The following DPP6 variants were observed in gnomAD, a reference collection of about 807,000 sequenced individuals.
DPP6 encodes the protein A-type potassium channel modulatory protein DPP6.
Under a neutral mutation model 122.6 loss-of-function variants are expected in DPP6, and 69 were observed. That is an observed-to-expected ratio of 0.56 (90% CI 0.46 to 0.69). The LOEUF (loss-of-function observed/expected upper bound fraction) is 0.69. DPP6 is among the 30% of genes least tolerant of loss of function. DPP6 has a pLI of 0.00. For synonymous variants in DPP6, 418 were observed against 433.1 expected, an observed-to-expected ratio of 0.97 and a Z score of 0.43; for missense variants, 928 against 1,116.9, an observed-to-expected ratio of 0.83 and a Z score of 2.41.
the DPP6 span, among the ~76,000 whole-genome samples, chr7:153,810,998 AAC>A: frequency 6.6e-6 from 1 of 151,912 alleles, no homozygotes; most frequent in Non-Finnish European, 1.5e-5. Context: ...ACTGGAATTT[AAC>A]ACACAGCGGC....
chr7:154,028,953 G>A (rs1397784096), intron 1 of DPP6, among the ~76,000 whole-genome samples: 2 of 151,026 alleles, frequency 1.3e-5, no homozygotes, highest in Admixed American at 1.3e-4. Flanking sequence ...CAAGCTCTGA[G>A]CAGCTCCGAC....
chr7:154,320,765 C>T (rs527926105), intron 1 of DPP6, among the ~76,000 whole-genome samples: 14 of 152,164 alleles, frequency 9.2e-5, no homozygotes, highest in Admixed American at 1.3e-4. Flanking sequence ...GGATTACAGG[C>T]GTGAGCCACT....
rs555784034 is a variant in DPP6, at chr7:154,808,802, A to G, written c.1666+1690A>G. On this transcript the variant is annotated intron_variant, in intron 16 of 25. Coordinates refer to ENST00000377770, the MANE Select transcript of DPP6 (RefSeq NM_130797.4). The stretch of plus-strand genomic sequence containing the variant: ...TTGAGGAGCTACATAATCAGAATCC[A>G]CAATCCTGTCTCAGAAGCAGGAGGC... 3.5e-4 allele frequency among the ~76,000 whole-genome samples: 54 copies of G among 152,362 alleles called. 1 individual carries two copies. The highest frequency in any genetic ancestry group is 6.8e-3 in the Middle Eastern group (2 of 294).
At chr7:154,468,527 T>C (rs1358487456) in intron 2 of DPP6, among the ~76,000 whole-genome samples, 1 of 152,178 alleles carries the variant, frequency 6.6e-6, no homozygotes, top group African/African-American at 2.4e-5. Flanking sequence ...TATCAACCTA[T>C]CCGCATATAA....
chr7:154,691,048 A>G (rs928849661), intron 7 of DPP6, among the ~76,000 whole-genome samples: 1 of 152,224 alleles, frequency 6.6e-6, no homozygotes, highest in African/African-American at 2.4e-5. Context: ...CCCTCTTAGG[A>G]TCACCTGTGA....
intron 3 of DPP6, among the ~76,000 whole-genome samples, chr7:154,515,588 C>T (rs553984094): frequency 1.3e-5 from 2 of 151,980 alleles, no homozygotes; most frequent in Non-Finnish European, 2.9e-5. Context: ...CACTTCTCCT[C>T]CCTCAGCCTC....
chr7:153,864,843 A>G, the DPP6 span, among the ~76,000 whole-genome samples: 1 of 152,102 alleles, frequency 6.6e-6, no homozygotes. Context: ...GATTACTGAG[A>G]TGGATGGCAG....
At position 154,592,119 on chromosome 7, in the gene DPP6, T is replaced by C. The variant is rs934028182; in HGVS notation, c.627+25203T>C. Among the ~76,000 whole-genome samples, 8 of 152,238 alleles carry C rather than the reference T, an allele frequency of 5.3e-5. No individual in the cohort carries two copies. In the East Asian group the frequency reaches 7.7e-4, roughly 15 times the overall value. On this transcript the variant is annotated intron_variant, in intron 5 of 25. Transcript: ENST00000377770. ...CCTCAGTCCCAGCTACAGATGGACT[T>C]TGAGATCTGATGACAGGATCTGCTG...
rs946239217 is a variant in DPP6, at chr7:154,821,823, T to A, written c.1666+14711T>A. 1.3e-5 allele frequency among the ~76,000 whole-genome samples: 2 copies of A among 152,060 alleles called. No homozygotes were observed. Among genetic ancestry groups the A allele is most frequent in the African/African-American group, 2.4e-5 (1 of 41,400 alleles). On this transcript the variant is annotated intron_variant, in intron 16 of 25. Coordinates refer to ENST00000377770, the MANE Select transcript of DPP6 (RefSeq NM_130797.4). The surrounding 1 kb of genome is among the most constrained non-coding windows in gnomAD (Gnocchi z 4.2). ...GAAACAGTAAGACCATTTTGGTGAC[T>A]ACAAAATGTAAACTACTAATTAAGA...
chr7:154,063,370 AC>A (rs1293045473), intron 1 of DPP6, among the ~76,000 whole-genome samples: 2 of 116,958 alleles, frequency 1.7e-5, no homozygotes, highest in Non-Finnish European at 3.5e-5. Context: ...AGGGTGTGGC[AC>A]CCCCCACGAG....
intron 1 of DPP6, among the ~76,000 whole-genome samples, chr7:154,299,516 G>T (rs867374817): frequency 1.3e-5 from 2 of 152,124 alleles, no homozygotes; most frequent in African/African-American, 4.8e-5. Context: ...TGGGTTTTTT[G>T]TTGTTGTTGT....
chr7:154,517,818 G>A (rs1826648093), intron 3 of DPP6, among the ~76,000 whole-genome samples: 1 of 152,072 alleles, frequency 6.6e-6, no homozygotes, highest in Non-Finnish European at 1.5e-5. Flanking sequence ...CAGAACTTGG[G>A]CACTTAAGAA....
At chr7:154,664,437 T>G (rs1213144184) in intron 6 of DPP6, among the ~76,000 whole-genome samples, 1 of 152,210 alleles carries the variant, frequency 6.6e-6, no homozygotes, top group Non-Finnish European at 1.5e-5. Context: ...CAATATTAAG[T>G]AAGGCAATGG....
the DPP6 span, among the ~76,000 whole-genome samples, chr7:153,758,468 T>A: frequency 6.6e-6 from 1 of 151,930 alleles, no homozygotes; most frequent in South Asian, 2.1e-4. Flanking sequence ...TGAGCATATG[T>A]GCCATTCCCA....
intron 5 of DPP6, among the ~76,000 whole-genome samples, chr7:154,569,168 A>G (rs949588072): frequency 1.3e-5 from 2 of 151,944 alleles, no homozygotes; most frequent in Non-Finnish European, 2.9e-5. Context: ...CTTCCTAACT[A>G]GATAAACTAA....
At chr7:154,779,967 GT>G (rs2150400796) in intron 10 of DPP6, among the ~76,000 whole-genome samples, 1 of 152,280 alleles carries the variant, frequency 6.6e-6, no homozygotes, top group African/African-American at 2.4e-5. Context: ...AATGTGCTCT[GT>G]TCCCCTCACC....
intron 1 of DPP6, among the ~76,000 whole-genome samples, chr7:154,404,253 A>C (rs1815883989): frequency 6.6e-6 from 1 of 152,200 alleles, no homozygotes. Context: ...TAAATCAAAG[A>C]TCTCATAAGG....
At chr7:154,010,922 G>A (rs2129048783) in intron 1 of DPP6, among the ~76,000 whole-genome samples, 1 of 152,202 alleles carries the variant, frequency 6.6e-6, no homozygotes, top group South Asian at 2.1e-4. Flanking sequence ...GGTTCATCTG[G>A]CCCCCATCCT....
At chr7:154,268,941 A>C (rs148415963) in intron 1 of DPP6, among the ~76,000 whole-genome samples, 1 of 151,284 alleles carries the variant, frequency 6.6e-6, no homozygotes, top group African/African-American at 2.4e-5. Flanking sequence ...AGACTATGTA[A>C]ATTTGCAGAT....
Sources: allele counts gnomAD v4.1 joint callset (sites outside exome capture counted in the v4.1 genomes callset), GRCh38; gene constraint gnomAD v4.1.1; non-coding constraint Gnocchi (gnomAD v3.1); transcripts MANE v1.5; gene names NCBI Gene and HGNC (gene_info 2026-07-23, HGNC 2026-07-21).